Variants in ADAMTSL3 observed in about 807,000 individuals in gnomAD.
ADAMTSL3 encodes ADAMTS-like protein 3.
Under a neutral mutation model 201.7 loss-of-function variants are expected in ADAMTSL3, and 128 were observed. That is an observed-to-expected ratio of 0.63 (90% CI 0.55 to 0.73). The LOEUF (loss-of-function observed/expected upper bound fraction) is 0.73, where lower values mean the gene tolerates loss of function less well. Among genes scored for constraint, ADAMTSL3 ranks in the 30% least tolerant of loss-of-function variants. The probability of loss-of-function intolerance (pLI) is 0.00; values close to 1 mark genes in which losing one functional copy is unlikely to be tolerated. For missense variants in ADAMTSL3, 1,990 were observed against 2,119.6 expected (o/e 0.94, Z 1.20); for synonymous variants, 738 against 748.4 (o/e 0.99, Z 0.23).
intron 3 of ADAMTSL3, among the ~76,000 whole-genome samples, chr15:83,763,719 A>G (rs972626257): frequency 1.3e-5 from 2 of 152,096 alleles, no homozygotes; most frequent in Non-Finnish European, 2.9e-5. Flanking sequence ...GTTAGCCAGG[A>G]TGATCTCAAT....
At chr15:83,703,209 G>A (rs949429114) in intron 2 of ADAMTSL3, among the ~76,000 whole-genome samples, 1 of 152,084 alleles carries the variant, frequency 6.6e-6, no homozygotes, top group Non-Finnish European at 1.5e-5. Flanking sequence ...TTGTATCTAG[G>A]AAGTAACTAG....
At chr15:83,902,956 C>A (rs919364361) in intron 15 of ADAMTSL3, among the ~76,000 whole-genome samples, 3 of 152,192 alleles carry the variant, frequency 2.0e-5, no homozygotes, top group Admixed American at 1.3e-4. Context: ...CAATTATCAA[C>A]CCAGGGCCAC....
At chr15:83,701,554 C>T (rs532931065) in intron 2 of ADAMTSL3, among the ~76,000 whole-genome samples, 2 of 152,278 alleles carry the variant, frequency 1.3e-5, no homozygotes, top group South Asian at 2.1e-4. Flanking sequence ...GGGAGAGACC[C>T]GGTGGGAGAT....
chr15:83,662,504 G>T (rs2061185469), intron 2 of ADAMTSL3, among the ~76,000 whole-genome samples: 1 of 149,114 alleles, frequency 6.7e-6, no homozygotes, highest in Admixed American at 6.7e-5. Flanking sequence ...GCACCAGCAT[G>T]GCACATGTAT....
chr15:83,695,401 T>C (rs1401273625), intron 2 of ADAMTSL3, among the ~76,000 whole-genome samples: 1 of 151,750 alleles, frequency 6.6e-6, no homozygotes, highest in Non-Finnish European at 1.5e-5. Flanking sequence ...CTGTGATAGA[T>C]TTAAACTCCG....
chr15:83,796,540 T>A lies in ADAMTSL3; in HGVS notation c.318-8110T>A, dbSNP rs1238696428. 2.6e-5 allele frequency among the ~76,000 whole-genome samples: 4 copies of A among 152,202 alleles called. 1 individual carries two copies. The highest frequency in any genetic ancestry group is 2.0e-4 in the Admixed American group (3 of 15,268). ...ATAATATGTTCATATATAGGAAATC[T>A]CAACATCATAAACATACCAATTTTC... is the stretch of plus-strand genomic sequence containing the variant. On this transcript the variant is annotated intron_variant, in intron 4 of 29. Transcript: ENST00000286744.
intron 2 of ADAMTSL3, among the ~76,000 whole-genome samples, chr15:83,688,204 G>A (rs577627016): frequency 3.9e-5 from 6 of 152,252 alleles, no homozygotes; most frequent in South Asian, 4.1e-4. Context: ...GAGAAAAGAC[G>A]CATACTGAGA....
chr15:83,675,664 C>T (rs1042017491), intron 2 of ADAMTSL3, among the ~76,000 whole-genome samples: 4 of 145,136 alleles, frequency 2.8e-5, no homozygotes, highest in Non-Finnish European at 6.0e-5. Flanking sequence ...GTTCTCTCTT[C>T]TGTTTCCTGA....
At chr15:83,722,015 G>C (rs1339818544) in intron 3 of ADAMTSL3, among the ~76,000 whole-genome samples, 8 of 152,180 alleles carry the variant, frequency 5.3e-5, no homozygotes, top group Non-Finnish European at 1.2e-4. Flanking sequence ...ACAGGCATGA[G>C]CCACTGCACC....
intron 3 of ADAMTSL3, among the ~76,000 whole-genome samples, chr15:83,752,167 A>C (rs994406427): frequency 6.6e-6 from 1 of 152,242 alleles, no homozygotes; most frequent in African/African-American, 2.4e-5. Flanking sequence ...TATAGAAGAC[A>C]AAAGTGCTAA....
intron 6 of ADAMTSL3, among the ~76,000 whole-genome samples, chr15:83,837,521 C>T (rs538648372): frequency 2.2e-4 from 33 of 152,130 alleles, no homozygotes; most frequent in African/African-American, 7.9e-4. Context: ...TGGTACATGC[C>T]TGTAATCCCA....
At chr15:83,831,071 G>A (rs563503251) in intron 6 of ADAMTSL3, among the ~76,000 whole-genome samples, 15 of 152,176 alleles carry the variant, frequency 9.9e-5, no homozygotes, top group Non-Finnish European at 2.1e-4. Flanking sequence ...ACAGATTTTT[G>A]TGCCAATGAT....
chr15:83,970,697 T>A, intron 20 of ADAMTSL3, 60 bp downstream of exon 20: 2 of 1,586,390 alleles, frequency 1.3e-6, no homozygotes, highest in Non-Finnish European at 1.7e-6. Context: ...TTTGTCCCGA[T>A]GTCTTTATTT....
At chr15:83,655,583 T>C in intron 1 of ADAMTSL3, 146 bp from the exon 2 acceptor site, 1 of 617,368 alleles carries the variant, frequency 1.6e-6, no homozygotes, top group Admixed American at 2.9e-5. Context: ...CACCCTGCAG[T>C]AGGCAGCGGC....
At chr15:83,902,387 C>T (rs1358908671) in intron 15 of ADAMTSL3, among the ~76,000 whole-genome samples, 1 of 152,200 alleles carries the variant, frequency 6.6e-6, no homozygotes, top group Non-Finnish European at 1.5e-5. Context: ...TCTCCTGCCT[C>T]AGCCTCCTGA....
intron 4 of ADAMTSL3, among the ~76,000 whole-genome samples, chr15:83,790,274 A>G (rs944371246): frequency 1.4e-5 from 2 of 147,748 alleles, no homozygotes; most frequent in Non-Finnish European, 3.0e-5. Flanking sequence ...TACAAAGACT[A>G]TATAAAGAAG....
At chr15:84,030,419 C>A (rs1188874662) in intron 27 of ADAMTSL3, among the ~76,000 whole-genome samples, 1 of 152,180 alleles carries the variant, frequency 6.6e-6, no homozygotes, top group Non-Finnish European at 1.5e-5. Flanking sequence ...CATATCGGAA[C>A]TTTAAGATTT....
intron 19 of ADAMTSL3, among the ~76,000 whole-genome samples, chr15:83,948,901 A>T (rs2066708651): frequency 6.6e-6 from 1 of 152,100 alleles, no homozygotes; most frequent in Non-Finnish European, 1.5e-5. Context: ...GTAAATATAT[A>T]TTTTATGGGG....
chr15:84,006,408 A>G (rs1039954769), intron 23 of ADAMTSL3, among the ~76,000 whole-genome samples: 1 of 152,248 alleles, frequency 6.6e-6, no homozygotes, highest in Non-Finnish European at 1.5e-5. Flanking sequence ...AAGATCCAGC[A>G]TTTCAGGGCA....
Sources: allele counts gnomAD v4.1 joint callset (sites outside exome capture counted in the v4.1 genomes callset), GRCh38; gene constraint gnomAD v4.1.1; transcripts MANE v1.5; gene names NCBI Gene and HGNC (gene_info 2026-07-23, HGNC 2026-07-21).